The following SHROOM3 variants were observed in gnomAD, a reference collection of about 807,000 sequenced individuals.
SHROOM3 encodes protein Shroom3.
SHROOM3 carries 47 observed loss-of-function variants against 138.6 expected under a neutral mutation model. That is an observed-to-expected ratio of 0.34 (90% CI 0.27 to 0.43). The LOEUF is 0.43. SHROOM3 is among the 20% of genes least tolerant of loss of function. SHROOM3 has a pLI of 1.00. For synonymous variants in SHROOM3, 1,062 were observed against 1,063.3 expected (o/e 1.00, Z 0.02); for missense variants, 2,491 against 2,596.5 (o/e 0.96, Z 0.88).
At position 76,710,224 on chromosome 4, in the gene SHROOM3, C is replaced by A; in HGVS notation, c.392C>A (p.Thr131Asn). The A allele has an allele frequency of 6.2e-7, 1 of 1,614,168 alleles. No homozygotes were observed. Among genetic ancestry groups the A allele is most frequent in the Middle Eastern group, 1.6e-4 (1 of 6,062 alleles). ...AACTTCGTCAGCCCAGAACACCTCACCTCTGGCCCCCAGCACAGGAAAGCA... is the reference window on the plus strand; with the variant it reads ...AACTTCGTCAGCCCAGAACACCTCAACTCTGGCCCCCAGCACAGGAAAGCA... ...ASNFVSPEHL[T>N]SGPQHRKAAW... Residue 131 changes from threonine (T) to asparagine (N), a missense_variant, in exon 3 of 11, where the codon ACC becomes AAC. Thr to Asn is a moderately conservative substitution (Grantham distance 65). Coordinates refer to ENST00000296043, the MANE Select transcript of SHROOM3 (RefSeq NM_020859.4).
chr4:76,749,139 T>G, intron 6 of SHROOM3, 49 bp downstream of exon 6: 1 of 1,493,380 alleles, frequency 6.7e-7, no homozygotes, highest in Non-Finnish European at 9.3e-7. Context: ...GCTGCTGGTG[T>G]TAAACTACTC....
At chr4:76,518,868 C>T (rs1488650633) in intron 1 of SHROOM3, among the ~76,000 whole-genome samples, 1 of 152,072 alleles carries the variant, frequency 6.6e-6, no homozygotes, top group Admixed American at 6.6e-5. Context: ...TTTATTGAAC[C>T]AGTACAAAAA....
chr4:76,539,102 G>A (rs767527299), intron 1 of SHROOM3, among the ~76,000 whole-genome samples: 3 of 152,122 alleles, frequency 2.0e-5, no homozygotes, highest in Non-Finnish European at 2.9e-5. Context: ...TCATAACTTC[G>A]GGAAACTTAA....
At chr4:76,622,789 G>A (rs1233129067) in intron 2 of SHROOM3, among the ~76,000 whole-genome samples, 2 of 152,104 alleles carry the variant, frequency 1.3e-5, no homozygotes, top group South Asian at 2.1e-4. Context: ...TGCTAGAGTT[G>A]TGGCTAAAAG....
At chr4:76,710,797 C>A (rs1048350368) in intron 3 of SHROOM3, among the ~76,000 whole-genome samples, 1 of 152,066 alleles carries the variant, frequency 6.6e-6, no homozygotes, top group East Asian at 1.9e-4. Flanking sequence ...AGTGAATGAA[C>A]CTGAGTGCTT....
intron 3 of SHROOM3, among the ~76,000 whole-genome samples, chr4:76,725,110 G>GT (rs568854572): frequency 7.9e-4 from 120 of 151,016 alleles, no homozygotes; most frequent in African/African-American, 2.7e-3. Context: ...TCGTGTTTTT[G>GT]TTTTTTTCAG....
chr4:76,511,463 T>G (rs1356100361), intron 1 of SHROOM3, among the ~76,000 whole-genome samples: 1 of 152,158 alleles, frequency 6.6e-6, no homozygotes, highest in Non-Finnish European at 1.5e-5. Context: ...TCTCAATATA[T>G]CCACTGAAGT....
rs544882781 is a variant in SHROOM3 at position 76,691,329 on chromosome 4, CTG to C, written c.324-18826_324-18825del. Among the ~76,000 whole-genome samples the C allele has an allele frequency of 1.7e-4, 26 of 152,298 alleles. No individual in the cohort carries two copies. The South Asian group carries it at 4.8e-3, about 28-fold the overall frequency. ...GATAAAGGAAGACTAGGTCACTACTCTGAACCTCAAAATTGAGGAATTCTAAA... is the reference window on the plus strand; with the variant it reads ...GATAAAGGAAGACTAGGTCACTACTCAACCTCAAAATTGAGGAATTCTAAA... On this transcript the variant is annotated intron_variant, in intron 2 of 10. Coordinates refer to ENST00000296043, the MANE Select transcript of SHROOM3 (RefSeq NM_020859.4).
At chr4:76,661,752 T>C (rs1736193209) in intron 2 of SHROOM3, among the ~76,000 whole-genome samples, 1 of 152,226 alleles carries the variant, frequency 6.6e-6, no homozygotes, top group Admixed American at 6.5e-5. Flanking sequence ...TTGCTTGTAT[T>C]AATAGTTCAT....
intron 1 of SHROOM3, among the ~76,000 whole-genome samples, chr4:76,476,052 T>C (rs1731478891): frequency 6.6e-6 from 1 of 152,244 alleles, no homozygotes; most frequent in Non-Finnish European, 1.5e-5. Context: ...TTTTATTTTA[T>C]TTAAATCTGA....
chr4:76,624,295 A>G (rs1482738866), intron 2 of SHROOM3, among the ~76,000 whole-genome samples: 1 of 152,008 alleles, frequency 6.6e-6, no homozygotes, highest in East Asian at 1.9e-4. Context: ...GTGCTTGCCA[A>G]TAGAGGTTTT....
intron 1 of SHROOM3, among the ~76,000 whole-genome samples, chr4:76,462,608 A>G (rs1731162294): frequency 6.6e-6 from 1 of 152,084 alleles, no homozygotes; most frequent in African/African-American, 2.4e-5. Context: ...TGTTCTCATG[A>G]TAGTGAGTGA....
At chr4:76,724,430 C>T (rs996317237) in intron 3 of SHROOM3, among the ~76,000 whole-genome samples, 1 of 151,760 alleles carries the variant, frequency 6.6e-6, no homozygotes. Context: ...GAAAAAATAG[C>T]TGTTTAATTT....
chr4:76,552,611 A>T (rs984702093), intron 1 of SHROOM3, among the ~76,000 whole-genome samples: 1 of 149,808 alleles, frequency 6.7e-6, no homozygotes, highest in African/African-American at 2.5e-5. Context: ...ATACATATAC[A>T]TTCCTCATTA....
At chr4:76,519,265 C>G (rs112909694) in intron 1 of SHROOM3, among the ~76,000 whole-genome samples, 4,975 of 152,126 alleles carry the variant, frequency 0.033, 273 homozygotes, top group African/African-American at 0.11. Context: ...AAGTGCATCT[C>G]TAGGGGTCAG....
At chr4:76,710,377 G>A (rs1720196376) in intron 3 of SHROOM3, 90 bp downstream of exon 3, 2 of 1,482,882 alleles carry the variant, frequency 1.3e-6, no homozygotes, top group East Asian at 2.4e-5. Context: ...TCGGGGGCAA[G>A]GATGGTCAGG....
intron 1 of SHROOM3, among the ~76,000 whole-genome samples, chr4:76,538,453 C>T (rs1362115678): frequency 3.3e-5 from 5 of 152,056 alleles, no homozygotes; most frequent in Admixed American, 3.3e-4. Flanking sequence ...ATATGGGTGT[C>T]ACTAAGAATG....
chr4:76,735,871 ATATATATATAT>A (rs1721054239), intron 4 of SHROOM3, among the ~76,000 whole-genome samples: 3 of 18,846 alleles, frequency 1.6e-4, no homozygotes, highest in African/African-American at 3.7e-4. Context: ...AAAAAAAAAT[ATATATATATAT>A]ATATATATAT....
At chr4:76,774,727 T>A (rs531608335) in intron 10 of SHROOM3, among the ~76,000 whole-genome samples, 2 of 151,084 alleles carry the variant, frequency 1.3e-5, no homozygotes, top group South Asian at 4.2e-4. Flanking sequence ...TTTGTTTTTT[T>A]TTTTTTTAAG....
Sources: allele counts gnomAD v4.1 joint callset (sites outside exome capture counted in the v4.1 genomes callset), GRCh38; gene constraint gnomAD v4.1.1; transcripts MANE v1.5; gene names NCBI Gene and HGNC (gene_info 2026-07-23, HGNC 2026-07-21).